ADAMTS14: variants seen among roughly 807,000 people sequenced by gnomAD.
ADAMTS14 encodes the protein A disintegrin and metalloproteinase with thrombospondin motifs 14.
Under a neutral mutation model 128.6 loss-of-function variants are expected in ADAMTS14, and 100 were observed. That is an observed-to-expected ratio of 0.78 (90% confidence interval 0.66 to 0.92). The LOEUF is 0.92. Among genes scored for constraint, ADAMTS14 ranks in the 40% least tolerant of loss-of-function variants. The pLI is 0.00. For missense variants in ADAMTS14, 1,562 were observed against 1,658.6 expected, an observed-to-expected ratio of 0.94 and a Z score of 1.01; for synonymous variants, 665 against 653.8, an observed-to-expected ratio of 1.02 and a Z score of -0.26.
chr10:70,756,497 T>G (rs1381710973), intron 19 of ADAMTS14, among the ~76,000 whole-genome samples: 1 of 152,188 alleles, frequency 6.6e-6, no homozygotes, highest in African/African-American at 2.4e-5. Context: ...ATCTCTAAAT[T>G]TAACTTTTAT....
intron 4 of ADAMTS14, among the ~76,000 whole-genome samples, chr10:70,715,051 C>G (rs1840996671): frequency 6.7e-6 from 1 of 150,234 alleles, no homozygotes; most frequent in Non-Finnish European, 1.5e-5. Context: ...TTAGGAAAGA[C>G]AAGTGGGTTT....
At position 70,697,539 on chromosome 10, in the gene ADAMTS14, G is replaced by C. The variant is rs149496891; in HGVS notation, c.523-4773G>C. ...TTACATGCACATACATGCAATTTGA[G>C]AATAGATGTACTTTAATGTACACAT... On this transcript the variant is annotated intron_variant, in intron 2 of 21. Transcript: ENST00000373207. Among the ~76,000 whole-genome samples, 224 of 152,314 alleles carry C rather than the reference G, an allele frequency of 1.5e-3. 2 individuals carry two copies. The highest frequency in any genetic ancestry group is 4.8e-3 in the African/African-American group (201 of 41,554).
chr10:70,744,681 C>T (rs1842120945), intron 14 of ADAMTS14, among the ~76,000 whole-genome samples: 1 of 152,206 alleles, frequency 6.6e-6, no homozygotes, highest in Non-Finnish European at 1.5e-5. Context: ...AACCAGATAT[C>T]AGTCCTTCAC....
Position 70,760,588 on chromosome 10 carries a change from A to G in ADAMTS14, c.3407A>G (p.Lys1136Arg), listed in dbSNP as rs1459071336. The stretch of plus-strand genomic sequence containing the variant: ...GCAGATGCTGCAGAGCCTCCTGGAA[A>G]GCCAACGGGATCAGAGGACCATCAG... ...DPADAAEPPG[K>R]PTGSEDHQHG... Residue 1136 changes from lysine (K) to arginine (R), a missense_variant, in exon 22 of 22, where the codon AAG (lysine) becomes AGG (arginine). Lys to Arg is a conservative substitution (Grantham distance 26). Transcript: ENST00000373207. 1 of 1,613,838 alleles carries G rather than the reference A, an allele frequency of 6.2e-7. No homozygotes were observed. Among genetic ancestry groups the G allele is most frequent in the Admixed American group, 1.7e-5 (1 of 59,992 alleles).
chr10:70,735,392 C>T, intron 9 of ADAMTS14, 91 bp downstream of exon 9: 1 of 1,504,012 alleles, frequency 6.6e-7, no homozygotes, highest in South Asian at 1.3e-5. Context: ...GTGCCTTCTG[C>T]CCAGCTGGCC....
chr10:70,735,757 A>G (rs1841808649), intron 9 of ADAMTS14, among the ~76,000 whole-genome samples: 1 of 152,180 alleles, frequency 6.6e-6, no homozygotes, highest in Non-Finnish European at 1.5e-5. Context: ...ACATAGATAC[A>G]AGGGAGCATA....
intron 2 of ADAMTS14, among the ~76,000 whole-genome samples, chr10:70,696,422 T>C (rs1840334448): frequency 6.6e-6 from 1 of 151,948 alleles, no homozygotes. Flanking sequence ...CTGTTAGTCT[T>C]AACAGGGAAG....
chr10:70,695,361 G>T lies in ADAMTS14; in HGVS notation c.523-6951G>T, dbSNP rs544681116. Among the ~76,000 whole-genome samples, 4 of 152,246 alleles carry T rather than the reference G, an allele frequency of 2.6e-5. No homozygotes were observed. The South Asian group carries it at 8.3e-4, about 32-fold the overall frequency. On this transcript the variant is annotated intron_variant, in intron 2 of 21. Transcript: ENST00000373207. ...GTGATTCATAAAGACTTAAGGACATGTTAAGGGAGGAAGAGATCTGGGTCA... is the reference window on the plus strand; with the variant it reads ...GTGATTCATAAAGACTTAAGGACATTTTAAGGGAGGAAGAGATCTGGGTCA...
chr10:70,687,196 C>A (rs1167430919), intron 2 of ADAMTS14, among the ~76,000 whole-genome samples: 32 of 107,152 alleles, frequency 3.0e-4, no homozygotes, highest in Non-Finnish European at 5.3e-4. Flanking sequence ...GCTGACCCCC[C>A]CCACCTCCCT....
At chr10:70,755,931 A>G (rs1842470924) in intron 19 of ADAMTS14, among the ~76,000 whole-genome samples, 1 of 152,228 alleles carries the variant, frequency 6.6e-6, no homozygotes, top group Admixed American at 6.5e-5. Context: ...ATTTGATCAC[A>G]ATGCTGTTTA....
intron 3 of ADAMTS14, among the ~76,000 whole-genome samples, chr10:70,707,305 G>A (rs1840697528): frequency 1.3e-5 from 2 of 152,182 alleles, no homozygotes; most frequent in South Asian, 4.1e-4. Flanking sequence ...TATTGTGGTG[G>A]CCTCTTCACA....
rs1334710401 is a variant in ADAMTS14, at chr10:70,702,348, A to C, written c.559A>C (p.Ile187Leu). 1 of 1,614,148 alleles carries C rather than the reference A, an allele frequency of 6.2e-7. No individual in the cohort carries two copies. The highest frequency in any genetic ancestry group is 1.1e-5 in the South Asian group (1 of 91,076). Residue 187 changes from isoleucine to leucine, a missense_variant, in exon 3 of 22, where the codon ATT (isoleucine) becomes CTT (leucine). Ile to Leu is a conservative substitution (Grantham distance 5). Coordinates refer to ENST00000373207, the MANE Select transcript of ADAMTS14 (RefSeq NM_080722.4). ...LIRTDSTDFF[I>L]EPLERGQQEK... ...CCGCACAGACAGCACCGACTTCTTCATTGAGCCTCTGGAGCGGGGCCAGCA... is the reference window on the plus strand; with the variant it reads ...CCGCACAGACAGCACCGACTTCTTCCTTGAGCCTCTGGAGCGGGGCCAGCA...
At chr10:70,694,049 T>A (rs1042850745) in intron 2 of ADAMTS14, among the ~76,000 whole-genome samples, 1 of 152,232 alleles carries the variant, frequency 6.6e-6, no homozygotes, top group South Asian at 2.1e-4. Flanking sequence ...GCTTTCAGAC[T>A]TTTTTTGGCT....
chr10:70,745,945 T>C (rs1842165935), intron 15 of ADAMTS14, among the ~76,000 whole-genome samples: 1 of 152,216 alleles, frequency 6.6e-6, no homozygotes, highest in South Asian at 2.1e-4. Flanking sequence ...ACATTATATC[T>C]GTCACATAGT....
intron 7 of ADAMTS14, among the ~76,000 whole-genome samples, chr10:70,733,226 A>G (rs1841707177): frequency 1.3e-5 from 2 of 152,340 alleles, no homozygotes; most frequent in South Asian, 2.1e-4. Context: ...TCTGCCTAGC[A>G]ATCAAAGCCA....
intron 2 of ADAMTS14, among the ~76,000 whole-genome samples, chr10:70,694,990 C>T (rs1589271364): frequency 6.6e-6 from 1 of 152,296 alleles, no homozygotes; most frequent in East Asian, 1.9e-4. Context: ...TACATTCCCA[C>T]CAATGTATGA....
In ADAMTS14 at chr10:70,751,605, C is replaced by A. The variant is rs376541666; in HGVS notation, c.2555C>A (p.Ala852Glu). The stretch of plus-strand genomic sequence containing the variant: ...GAGGAGATGGACACCTATGAGTGGG[C>A]GCTCAAGAGCTGGGCCCCCTGCAGC... ...LLEEMDTYEW[A>E]LKSWAPCSKA... The change falls in exon 17 of 22, where the codon GCG becomes GAG. Residue 852 changes from alanine (A) to glutamate (E), a missense_variant. Physicochemically the swap from Ala to Glu is moderately radical, Grantham distance 107. Transcript: ENST00000373207. 6.2e-7 allele frequency: 1 copy of A among 1,612,818 alleles called. No individual in the cohort carries two copies. Among genetic ancestry groups the A allele is most frequent in the Non-Finnish European group, 8.5e-7 (1 of 1,178,928 alleles).
At chr10:70,708,905 G>T (rs905634881) in intron 4 of ADAMTS14, 127 bp downstream of exon 4, 3 of 736,028 alleles carry the variant, frequency 4.1e-6, no homozygotes, top group Non-Finnish European at 6.0e-6. Flanking sequence ...GTGGATTTGG[G>T]GAAGTCATTG....
chr10:70,701,062 C>T (rs1840479152), intron 2 of ADAMTS14, among the ~76,000 whole-genome samples: 1 of 152,164 alleles, frequency 6.6e-6, no homozygotes, highest in Admixed American at 6.5e-5. Flanking sequence ...AGAAGGCAAC[C>T]ATCTTGGTTT....
Sources: allele counts gnomAD v4.1 joint callset (sites outside exome capture counted in the v4.1 genomes callset), GRCh38; gene constraint gnomAD v4.1.1; transcripts MANE v1.5; gene names NCBI Gene and HGNC (gene_info 2026-07-23, HGNC 2026-07-21).